GRIK2: variants seen among roughly 807,000 people sequenced by gnomAD.
GRIK2 encodes the protein glutamate receptor ionotropic, kainate 2.
In GRIK2, 32 loss-of-function variants were observed where a neutral mutation model predicts 100.3. The ratio of observed to expected loss-of-function variants is 0.32; its 90% CI spans 0.24 to 0.43. The LOEUF is 0.43. GRIK2 is among the 20% of genes least tolerant of loss of function. GRIK2 has a pLI of 1.00. For missense variants in GRIK2, 843 were observed against 1,114.9 expected (o/e 0.76, Z 3.47); for synonymous variants, 417 against 389.4 (o/e 1.07, Z -0.83).
At chr6:101,636,295 G>T (rs1229485982) in intron 4 of GRIK2, among the ~76,000 whole-genome samples, 1 of 152,076 alleles carries the variant, frequency 6.6e-6, no homozygotes, top group Admixed American at 6.6e-5. Flanking sequence ...AGTGGGAGTT[G>T]AACGATGAGA....
intron 4 of GRIK2, among the ~76,000 whole-genome samples, chr6:101,632,470 C>T (rs1780798644): frequency 6.6e-6 from 1 of 152,078 alleles, no homozygotes; most frequent in African/African-American, 2.4e-5. Flanking sequence ...GTTAAGTATT[C>T]TGCCAAAGTC....
intron 2 of GRIK2, among the ~76,000 whole-genome samples, chr6:101,496,178 C>T (rs1287512690): frequency 1.3e-5 from 2 of 152,094 alleles, no homozygotes; most frequent in African/African-American, 4.8e-5. Flanking sequence ...AACTCCCGAC[C>T]TCAGGTAATC....
intron 4 of GRIK2, among the ~76,000 whole-genome samples, chr6:101,656,025 G>A (rs1259685567): frequency 6.6e-6 from 1 of 152,058 alleles, no homozygotes; most frequent in Non-Finnish European, 1.5e-5. Context: ...ATGGCAGGCT[G>A]GGCATGGTGG....
At chr6:101,840,145 GACAA>G (rs1783403497) in intron 10 of GRIK2, among the ~76,000 whole-genome samples, 1 of 152,116 alleles carries the variant, frequency 6.6e-6, no homozygotes, top group South Asian at 2.1e-4. Context: ...TGTTTGGTTT[GACAA>G]ACAATTATAA....
At chr6:101,687,993 AT>A in intron 7 of GRIK2, among the ~76,000 whole-genome samples, 1 of 149,318 alleles carries the variant, frequency 6.7e-6, no homozygotes, top group East Asian at 1.9e-4. Flanking sequence ...AGACAATGTG[AT>A]TTTTTAATAT....
chr6:101,635,279 CAGTT>C (rs1205586592), intron 4 of GRIK2, among the ~76,000 whole-genome samples: 2 of 152,088 alleles, frequency 1.3e-5, no homozygotes, highest in East Asian at 3.9e-4. Flanking sequence ...TATTTCCACA[CAGTT>C]GGTTATGCTT....
intron 12 of GRIK2, among the ~76,000 whole-genome samples, chr6:101,922,118 T>TCCTC (rs1789578920): frequency 1.3e-4 from 2 of 15,404 alleles, no homozygotes; most frequent in Non-Finnish European, 2.8e-4. Flanking sequence ...CTTCCTTCCT[T>TCCTC]CCTTCCTTCC....
At chr6:101,968,907 A>G (rs1792867112) in intron 14 of GRIK2, among the ~76,000 whole-genome samples, 1 of 152,052 alleles carries the variant, frequency 6.6e-6, no homozygotes, top group Non-Finnish European at 1.5e-5. Context: ...TCATAACACA[A>G]TGAATACATT....
At chr6:102,056,400 T>G (rs1562144183) in intron 16 of GRIK2, among the ~76,000 whole-genome samples, 1 of 151,970 alleles carries the variant, frequency 6.6e-6, no homozygotes, top group Admixed American at 6.6e-5. Context: ...TACATGATAC[T>G]TTTTGTATGC....
chr6:101,581,193 C>T (rs951829601), intron 2 of GRIK2, among the ~76,000 whole-genome samples: 2 of 148,388 alleles, frequency 1.3e-5, no homozygotes, highest in African/African-American at 2.5e-5. Context: ...CACACACACA[C>T]ATATATATAC....
chr6:101,989,405 C>A (rs184565900), intron 14 of GRIK2, among the ~76,000 whole-genome samples: 496 of 151,762 alleles, frequency 3.3e-3, no homozygotes, highest in Non-Finnish European at 5.5e-3. Context: ...TTGAGTATCT[C>A]ATCTGCATTA....
At chr6:102,028,215 A>G (rs1769803278) in intron 14 of GRIK2, among the ~76,000 whole-genome samples, 1 of 151,220 alleles carries the variant, frequency 6.6e-6, no homozygotes, top group Non-Finnish European at 1.5e-5. Context: ...TTTAATACAC[A>G]AAATCATTTG....
chr6:101,710,808 G>A (rs538684262), intron 7 of GRIK2, among the ~76,000 whole-genome samples: 82 of 151,800 alleles, frequency 5.4e-4, no homozygotes, highest in African/African-American at 1.9e-3. Context: ...TATTTTCTGT[G>A]GAAAAAGTGA....
rs184378934 is a variant in GRIK2, at chr6:101,903,936, A to G, written c.1748+14073A>G. On this transcript the variant is annotated intron_variant, in intron 12 of 16. Transcript: ENST00000369134. Reference sequence around the variant, plus strand: ...ATCTCTATGATCAAATAAGGTCAGGAGAACTATGTAGTAGAGTTTTCTTTT... The same window carrying G: ...ATCTCTATGATCAAATAAGGTCAGGGGAACTATGTAGTAGAGTTTTCTTTT... 2.6e-3 allele frequency among the ~76,000 whole-genome samples: 402 copies of G among 151,752 alleles called. 4 individuals carry two copies. The highest frequency in any genetic ancestry group is 9.3e-3 in the African/African-American group (386 of 41,526).
At chr6:101,963,212 G>T (rs184223955) in intron 14 of GRIK2, among the ~76,000 whole-genome samples, 1 of 134,598 alleles carries the variant, frequency 7.4e-6, no homozygotes, top group Admixed American at 7.5e-5. Flanking sequence ...TATTTTCTTT[G>T]TGGTTGATTT....
At chr6:101,992,859 G>C (rs912226823) in intron 14 of GRIK2, among the ~76,000 whole-genome samples, 1 of 151,438 alleles carries the variant, frequency 6.6e-6, no homozygotes, top group Non-Finnish European at 1.5e-5. Flanking sequence ...GAAGATTAAA[G>C]TAGCTTCCTT....
intron 2 of GRIK2, among the ~76,000 whole-genome samples, chr6:101,513,308 A>G (rs1396241228): frequency 6.6e-6 from 1 of 152,188 alleles, no homozygotes; most frequent in Admixed American, 6.6e-5. Flanking sequence ...AGGATTGATA[A>G]AAAGGTAATG....
At chr6:101,553,165 C>G (rs1582701275) in intron 2 of GRIK2, among the ~76,000 whole-genome samples, 1 of 152,130 alleles carries the variant, frequency 6.6e-6, no homozygotes, top group Admixed American at 6.6e-5. Context: ...GTCATAAACA[C>G]TACAATAGAT....
intron 2 of GRIK2, among the ~76,000 whole-genome samples, chr6:101,406,992 C>G (rs1480679778): frequency 6.6e-6 from 1 of 152,080 alleles, no homozygotes; most frequent in Non-Finnish European, 1.5e-5. Context: ...GTGTCTCCAG[C>G]TCAGTCTCAG....
Sources: gnomAD v4.1 joint callset for allele counts (sites outside exome capture counted in the v4.1 genomes callset) on GRCh38, gnomAD v4.1.1 for gene constraint, MANE v1.5 for transcripts, NCBI Gene and HGNC (gene_info 2026-07-23, HGNC 2026-07-21) for gene names.